WNK1: variants seen among roughly 807,000 people sequenced by gnomAD.
WNK1 encodes the protein WNK lysine deficient protein kinase 1, also known as serine/threonine-protein kinase WNK1.
WNK1 carries 38 observed loss-of-function variants against 222.8 expected under a neutral mutation model. The observed-to-expected ratio is 0.17, with a 90% confidence interval of 0.13 to 0.22. WNK1 has a LOEUF of 0.22. Ranked by LOEUF, WNK1 falls within the 10% of genes least tolerant of loss-of-function variation. WNK1 has a pLI of 1.00. For missense variants in WNK1, 2,348 were observed against 2,918.4 expected, an observed-to-expected ratio of 0.80 and a Z score of 4.50; for synonymous variants, 1,090 against 1,092.9, an observed-to-expected ratio of 1.00 and a Z score of 0.05.
At chr12:888,582 T>G (rs1953897033) in intron 20 of WNK1, among the ~76,000 whole-genome samples, 1 of 152,206 alleles carries the variant, frequency 6.6e-6, no homozygotes, top group Admixed American at 6.5e-5. Context: ...GCTGTGTGCT[T>G]GCGGTGGATG....
chr12:881,852 G>C (rs1953194425), intron 13 of WNK1, 59 bp from the exon 14 acceptor site: 1 of 1,613,610 alleles, frequency 6.2e-7, no homozygotes, highest in Non-Finnish European at 8.5e-7. Context: ...ACGCCAAACT[G>C]TCAGACCTTT....
intron 4 of WNK1, among the ~76,000 whole-genome samples, chr12:831,744 A>G (rs1297271424): frequency 6.6e-6 from 1 of 152,088 alleles, no homozygotes; most frequent in African/African-American, 2.4e-5. Context: ...ACCATCTGCC[A>G]CGGTAAATAT....
In WNK1 at chr12:857,008, A is replaced by G. The variant is rs533082297; in HGVS notation, c.1312-153A>G. Among the ~76,000 whole-genome samples, 5 of 152,362 alleles carry G rather than the reference A, an allele frequency of 3.3e-5. No homozygotes were observed. The South Asian group carries it at 1.0e-3, about 32-fold the overall frequency. On this transcript the variant is annotated intron_variant, in intron 4 of 27. Transcript: ENST00000315939. ...GTGAAGAGCTAAGTTGTCACTACCC[A>G]ACTGTGACACTGCATGGACCAACTC...
chr12:800,899 G>T (rs1027835721), intron 1 of WNK1, among the ~76,000 whole-genome samples: 5 of 152,158 alleles, frequency 3.3e-5, no homozygotes, highest in Admixed American at 6.5e-5. Context: ...GCGCACAGAA[G>T]GTGAGAGGCA....
At chr12:793,362 G>T (rs1023071883) in intron 1 of WNK1, among the ~76,000 whole-genome samples, 1 of 152,176 alleles carries the variant, frequency 6.6e-6, no homozygotes, top group African/African-American at 2.4e-5. Flanking sequence ...AGGAGAAAAC[G>T]TGTTGGTTCT....
chr12:868,683 C>T lies in WNK1; in HGVS notation c.2140-2582C>T, dbSNP rs1951886316. 6.2e-7 allele frequency: 1 copy of T among 1,613,908 alleles called. No homozygotes were observed. The highest frequency in any genetic ancestry group is 8.5e-7 in the Non-Finnish European group (1 of 1,179,896). On this transcript the variant is annotated intron_variant, in intron 8 of 27. Transcript: ENST00000315939. ...TCAGGAGAAGGAGGTGGAATTTTAC[C>T]TCAGCGTGTTTACCGAAATCGGCAG...
chr12:898,516 A>C (rs1954942774), intron 25 of WNK1, among the ~76,000 whole-genome samples: 1 of 151,522 alleles, frequency 6.6e-6, no homozygotes, highest in African/African-American at 2.4e-5. Flanking sequence ...CTTGCTAGTC[A>C]TTAAAATCAA....
chr12:770,880 A>C (rs992898777), intron 1 of WNK1, among the ~76,000 whole-genome samples: 1 of 152,232 alleles, frequency 6.6e-6, no homozygotes, highest in Non-Finnish European at 1.5e-5. Context: ...TGTTAAGAGA[A>C]TATTAGAAGT....
chr12:832,541 G>A (rs1046770295), intron 4 of WNK1, among the ~76,000 whole-genome samples: 1 of 152,152 alleles, frequency 6.6e-6, no homozygotes, highest in Admixed American at 6.6e-5. Flanking sequence ...GTTGTTGATG[G>A]ATATGGAGCT....
chr12:880,435 T>C (rs1489264725), intron 11 of WNK1, among the ~76,000 whole-genome samples: 2 of 152,204 alleles, frequency 1.3e-5, no homozygotes, highest in South Asian at 2.1e-4. Context: ...ATTTTTCCAT[T>C]TAAGATTGGC....
chr12:814,070 T>A (rs1298251143), intron 2 of WNK1, among the ~76,000 whole-genome samples: 1 of 152,144 alleles, frequency 6.6e-6, no homozygotes, highest in African/African-American at 2.4e-5. Flanking sequence ...TCCCAGCACT[T>A]TGGGAGGCCG....
intron 8 of WNK1, among the ~76,000 whole-genome samples, chr12:870,204 T>G (rs1476206385): frequency 6.6e-6 from 1 of 152,200 alleles, no homozygotes; most frequent in Non-Finnish European, 1.5e-5. Context: ...TATTTAGTGC[T>G]GTACTAAGAC....
chr12:854,048 G>C (rs1950590654), intron 4 of WNK1, among the ~76,000 whole-genome samples: 1 of 151,900 alleles, frequency 6.6e-6, no homozygotes, highest in Non-Finnish European at 1.5e-5. Context: ...ACCACACCTG[G>C]CCCTAGACTT....
At chr12:843,396 A>G (rs1313392558) in intron 4 of WNK1, among the ~76,000 whole-genome samples, 1 of 152,268 alleles carries the variant, frequency 6.6e-6, no homozygotes, top group Non-Finnish European at 1.5e-5. Flanking sequence ...GATAAATAAC[A>G]TAAGCCCTGT....
At chr12:879,474 T>TTTTTGGCTAATACATAAATCTTGC in intron 10 of WNK1, 99 bp from the exon 11 acceptor site, 1 of 771,724 alleles carries the variant, frequency 1.3e-6, no homozygotes. Flanking sequence ...TTTTTCCTTC[T>TTTTTGGCTAATACATAAATCTTGC]TTTTGGCTAA....
chr12:833,185 C>A (rs1384669313), intron 4 of WNK1, among the ~76,000 whole-genome samples: 1 of 152,194 alleles, frequency 6.6e-6, no homozygotes, highest in African/African-American at 2.4e-5. Context: ...CTCTTAGATG[C>A]AAGCCTTCTT....
Position 813,779 on chromosome 12 carries a change from G to A in WNK1, c.897G>A (p.Leu299=). The change falls in exon 2 of 28, where the codon TTG becomes TTA. Residue 299 remains leucine (L), a synonymous_variant. Transcript: ENST00000315939. ...TAAAAGGAAAGAAGTGCATTGTTTT[G>A]GTGACTGAACTTATGACGTCTGGAA... The part of the protein sequence containing the change: ...STVKGKKCIV[L]VTELMTSGTL... 6.2e-7 allele frequency: 1 copy of A among 1,613,820 alleles called. No individual in the cohort carries two copies. The highest frequency in any genetic ancestry group is 8.5e-7 in the Non-Finnish European group (1 of 1,179,922).
intron 2 of WNK1, among the ~76,000 whole-genome samples, chr12:818,810 C>T (rs957911363): frequency 6.6e-6 from 1 of 152,222 alleles, no homozygotes; most frequent in African/African-American, 2.4e-5. Flanking sequence ...ACTTCATCCC[C>T]TTTTATGACT....
At chr12:849,678 T>C (rs1431657163) in intron 4 of WNK1, among the ~76,000 whole-genome samples, 2 of 152,166 alleles carry the variant, frequency 1.3e-5, no homozygotes, top group African/African-American at 4.8e-5. Context: ...TAACTCATCA[T>C]TTAACATTAG....
Sources: allele counts gnomAD v4.1 joint callset (sites outside exome capture counted in the v4.1 genomes callset), GRCh38; gene constraint gnomAD v4.1.1; transcripts MANE v1.5; gene names NCBI Gene and HGNC (gene_info 2026-07-23, HGNC 2026-07-21).